Variants in INSL3 observed in about 807,000 individuals in gnomAD.
The protein encoded by INSL3 is insulin like 3.
A neutral mutation model predicts 5.5 loss-of-function variants in INSL3; 6 were observed. That is an observed-to-expected ratio of 1.08 (90% CI 0.59 to 2.14). The LOEUF is 2.14. Ranked by LOEUF, INSL3 falls within the 30% of genes most tolerant of loss-of-function variation. The probability of loss-of-function intolerance (pLI) is 0.00; values close to 1 mark genes in which losing one functional copy is unlikely to be tolerated. For synonymous variants in INSL3, 86 were observed against 82.1 expected, an observed-to-expected ratio of 1.05 and a Z score of -0.26; for missense variants, 178 against 184.7, an observed-to-expected ratio of 0.96 and a Z score of 0.21.
chr19:17,819,331 C>T (rs766069084), intron 1 of INSL3, among the ~76,000 whole-genome samples: 2 of 151,898 alleles, frequency 1.3e-5, no homozygotes, highest in Non-Finnish European at 2.9e-5. Flanking sequence ...CCAGGTTGGT[C>T]TCAAACTCCT....
In INSL3 at chr19:17,816,680, G is replaced by A. The variant is rs2094188174; in HGVS notation, c.*174C>T. 1.5e-6 allele frequency: 1 copy of A among 648,652 alleles called. No individual in the cohort carries two copies. The highest frequency in any genetic ancestry group is 1.8e-5 in the African/African-American group (1 of 55,836). The allele number at this position is 648,652 out of a possible 1,614,324, so 40.2% of individuals were successfully genotyped here. ...GGGCTAGGGTGTGATTTATTCTGCAGTTGACTCCACAGGCTGCAGGTGGCA... is the reference window on the plus strand; with the variant it reads ...GGGCTAGGGTGTGATTTATTCTGCAATTGACTCCACAGGCTGCAGGTGGCA... On this transcript the variant is annotated 3_prime_UTR_variant, in exon 2 of 2. Coordinates refer to ENST00000317306, the MANE Select transcript of INSL3 (RefSeq NM_005543.4).
At chr19:17,817,313 TA>T (rs1041578829) in intron 1 of INSL3, among the ~76,000 whole-genome samples, 63 of 132,050 alleles carry the variant, frequency 4.8e-4, no homozygotes, top group South Asian at 1.4e-3. Flanking sequence ...CCTTCTCTAC[TA>T]AAAAAAAAAA....
chr19:17,818,253 A>G (rs376120316), intron 1 of INSL3, among the ~76,000 whole-genome samples: 10 of 152,258 alleles, frequency 6.6e-5, no homozygotes, highest in African/African-American at 2.4e-4. Flanking sequence ...ACATCTGCAC[A>G]AACTTGTCGT....
At chr19:17,819,608 G>A (rs1381160973) in intron 1 of INSL3, among the ~76,000 whole-genome samples, 1 of 152,084 alleles carries the variant, frequency 6.6e-6, no homozygotes, top group Non-Finnish European at 1.5e-5. Context: ...TTGGGAGGCC[G>A]AGGCAGGTGG....
At chr19:17,820,154 C>T (rs945494038) in intron 1 of INSL3, among the ~76,000 whole-genome samples, 1 of 149,912 alleles carries the variant, frequency 6.7e-6, no homozygotes, top group Non-Finnish European at 1.5e-5. Context: ...TGTGGTGGTG[C>T]GTGCCCGCAG....
intron 1 of INSL3, among the ~76,000 whole-genome samples, chr19:17,819,381 G>A (rs1395415763): frequency 6.6e-6 from 1 of 151,962 alleles, no homozygotes; most frequent in Admixed American, 6.6e-5. Context: ...CTGAGTAGCA[G>A]GGATTACAGG....
At chr19:17,817,347 T>G (rs556718627) in intron 1 of INSL3, among the ~76,000 whole-genome samples, 6 of 147,928 alleles carry the variant, frequency 4.1e-5, no homozygotes, top group Non-Finnish European at 8.9e-5. Context: ...TAGCCGGGTG[T>G]GGTGGCGGGC....
intron 1 of INSL3, among the ~76,000 whole-genome samples, chr19:17,818,211 T>A (rs2094190659): frequency 6.6e-6 from 1 of 151,976 alleles, no homozygotes; most frequent in Non-Finnish European, 1.5e-5. Flanking sequence ...GCAAGTGGAG[T>A]GGCACACAGA....
Position 17,816,616 on chromosome 19 carries a change from A to G in INSL3, c.*238T>C, listed in dbSNP as rs2094188084. The G allele has an allele frequency of 3.4e-6, 2 of 580,650 alleles. No individual in the cohort carries two copies. Among genetic ancestry groups the G allele is most frequent in the South Asian group, 4.0e-5 (2 of 50,422 alleles). The allele number at this position is 580,650 out of a possible 1,614,324, so 36.0% of individuals were successfully genotyped here. On this transcript the variant is annotated 3_prime_UTR_variant, in exon 2 of 2. Coordinates refer to ENST00000317306, the MANE Select transcript of INSL3 (RefSeq NM_005543.4). ...CCTGGAGTGAGGACATTTGGCTGTC[A>G]GTGTCCAGCATCTGTGAAAGCGGGG...
chr19:17,817,795 CAAAAA>C (rs58956953), intron 1 of INSL3, among the ~76,000 whole-genome samples: 852 of 40,316 alleles, frequency 0.021, 22 homozygotes, highest in African/African-American at 0.08. Context: ...AACTCCATCT[CAAAAA>C]AAAAAAAAAA....
chr19:17,821,078 C>T (rs1415343956), intron 1 of INSL3, among the ~76,000 whole-genome samples: 1 of 152,176 alleles, frequency 6.6e-6, no homozygotes, highest in African/African-American at 2.4e-5. Flanking sequence ...GCCTCAGCCT[C>T]CCAAAGTGCT....
chr19:17,819,174 C>T (rs1443466319), intron 1 of INSL3, among the ~76,000 whole-genome samples: 2 of 148,800 alleles, frequency 1.3e-5, no homozygotes, highest in Non-Finnish European at 3.0e-5. Flanking sequence ...GCAGAGGTTG[C>T]AATGAGCCGA....
intron 1 of INSL3, among the ~76,000 whole-genome samples, chr19:17,818,046 C>T (rs982493111): frequency 6.6e-6 from 1 of 152,006 alleles, no homozygotes; most frequent in African/African-American, 2.4e-5. Flanking sequence ...GAGACCCACC[C>T]ACAGACTCCT....
In INSL3 at chr19:17,816,798, C is replaced by T; in HGVS notation, c.*56G>A. 1.9e-6 allele frequency: 3 copies of T among 1,560,496 alleles called. No homozygotes were observed. The highest frequency in any genetic ancestry group is 2.6e-6 in the Non-Finnish European group (3 of 1,134,342). ...ATGGTGCTGTGTGGCCTCAGGAGCT[C>T]ACCAGACCAGACCCTCTGGGCCTCA... is the stretch of plus-strand genomic sequence containing the variant. On this transcript the variant is annotated 3_prime_UTR_variant, in exon 2 of 2. Transcript: ENST00000317306.
chr19:17,818,967 C>T (rs536399717), intron 1 of INSL3, among the ~76,000 whole-genome samples: 73 of 151,788 alleles, frequency 4.8e-4, no homozygotes, highest in African/African-American at 1.6e-3. Flanking sequence ...CTCCACCTCC[C>T]GGGTTCAAGT....
At chr19:17,817,501 A>AT (rs1568395327) in intron 1 of INSL3, among the ~76,000 whole-genome samples, 1 of 145,920 alleles carries the variant, frequency 6.9e-6, no homozygotes, top group African/African-American at 2.6e-5. Flanking sequence ...AAAAAAAAAA[A>AT]AGTGAGCACT....
chr19:17,818,364 C>G (rs2094190883), intron 1 of INSL3, among the ~76,000 whole-genome samples: 1 of 152,162 alleles, frequency 6.6e-6, no homozygotes, highest in Admixed American at 6.6e-5. Flanking sequence ...ACCTGTCATC[C>G]CAGCATTTTG....
At chr19:17,820,359 C>T (rs1375956749) in intron 1 of INSL3, 1 of 403,510 alleles carries the variant, frequency 2.5e-6, no homozygotes, top group South Asian at 1.8e-5. Flanking sequence ...AAAAGCAATA[C>T]TTTTAAATAC....
chr19:17,817,960 C>T (rs542775313), intron 1 of INSL3, among the ~76,000 whole-genome samples: 8 of 152,112 alleles, frequency 5.3e-5, no homozygotes, highest in Admixed American at 3.3e-4. Flanking sequence ...CAGGGAGTGT[C>T]GGGGGTCTTG....
Sources: gnomAD v4.1 joint callset for allele counts (sites outside exome capture counted in the v4.1 genomes callset) on GRCh38, gnomAD v4.1.1 for gene constraint, MANE v1.5 for transcripts, NCBI Gene and HGNC (gene_info 2026-07-23, HGNC 2026-07-21) for gene names.